Variants in CTNNA3 observed in about 807,000 individuals in gnomAD.
The protein encoded by CTNNA3 is catenin alpha-3.
CTNNA3 carries 76 observed loss-of-function variants against 95.7 expected under a neutral mutation model. The ratio of observed to expected loss-of-function variants is 0.79; its 90% CI spans 0.66 to 0.96. CTNNA3 has a LOEUF of 0.96. Ranked by LOEUF, CTNNA3 falls within the 40% of genes least tolerant of loss-of-function variation. The pLI is 0.00. For missense variants in CTNNA3, 1,191 were observed against 1,089.8 expected (o/e 1.09, Z -1.31); for synonymous variants, 431 against 374.4 (o/e 1.15, Z -1.74).
At chr10:66,319,191 G>A (rs1485027780) in intron 12 of CTNNA3, among the ~76,000 whole-genome samples, 8 of 151,560 alleles carry the variant, frequency 5.3e-5, no homozygotes, top group African/African-American at 1.9e-4. Flanking sequence ...AATCAAATGG[G>A]AAAAAAAATC....
At chr10:67,522,244 T>C (rs1481452177) in intron 4 of CTNNA3, among the ~76,000 whole-genome samples, 2 of 152,158 alleles carry the variant, frequency 1.3e-5, no homozygotes, top group Non-Finnish European at 2.9e-5. Flanking sequence ...AAAAAGAAAG[T>C]TCATCTTTTA....
chr10:66,670,495 T>A (rs1846622023), intron 9 of CTNNA3, among the ~76,000 whole-genome samples: 1 of 152,112 alleles, frequency 6.6e-6, no homozygotes, highest in Middle Eastern at 3.2e-3. Flanking sequence ...TTCCTCCATC[T>A]TAAAGGCAGC....
intron 13 of CTNNA3, among the ~76,000 whole-genome samples, chr10:66,217,068 T>A (rs1220101884): frequency 2.6e-5 from 4 of 152,040 alleles, no homozygotes; most frequent in Non-Finnish European, 4.4e-5. Context: ...ATAAATGGAG[T>A]CATACAGCCG....
chr10:66,616,980 A>G (rs1012444332), intron 10 of CTNNA3, among the ~76,000 whole-genome samples: 18 of 152,042 alleles, frequency 1.2e-4, no homozygotes, highest in African/African-American at 3.9e-4. Context: ...ATATAGAATG[A>G]TTTATCATTC....
At chr10:66,863,922 A>G (rs899926986) in intron 7 of CTNNA3, among the ~76,000 whole-genome samples, 5 of 152,170 alleles carry the variant, frequency 3.3e-5, no homozygotes, top group African/African-American at 1.2e-4. Flanking sequence ...AGTTTATCAC[A>G]GAATTCAGTC....
At chr10:66,633,813 C>G (rs543560389) in intron 9 of CTNNA3, among the ~76,000 whole-genome samples, 1 of 152,068 alleles carries the variant, frequency 6.6e-6, no homozygotes, top group East Asian at 1.9e-4. Context: ...AGAAGTATCC[C>G]CTTTTGACTA....
At chr10:66,380,600 CCTATCTATCTAT>C (rs3073254) in intron 11 of CTNNA3, among the ~76,000 whole-genome samples, 1 of 145,996 alleles carries the variant, frequency 6.8e-6, no homozygotes, top group Non-Finnish European at 1.5e-5. Flanking sequence ...AGAGTGAGGC[CCTATCTATCTAT>C]CTATCTATCT....
At chr10:66,812,635 TA>T (rs1189008089) in intron 7 of CTNNA3, among the ~76,000 whole-genome samples, 1 of 152,128 alleles carries the variant, frequency 6.6e-6, no homozygotes, top group Non-Finnish European at 1.5e-5. Flanking sequence ...CGTTAGTACA[TA>T]AAAAGTGCTT....
At position 66,890,874 on chromosome 10, in the gene CTNNA3, G is replaced by T. The variant is rs371125996; in HGVS notation, c.1048-115350C>A. Among the ~76,000 whole-genome samples, 42 of 152,270 alleles carry T rather than the reference G, an allele frequency of 2.8e-4. No individual in the cohort carries two copies. In the East Asian group the frequency reaches 7.7e-3, roughly 28 times the overall value. ...GACTGAAGTAAAGCCCTTTGAAGGA[G>T]TCAAGGTGTGAAATTCAGAGCACAG... On this transcript the variant is annotated intron_variant, in intron 7 of 17. Coordinates refer to ENST00000433211, the MANE Select transcript of CTNNA3 (RefSeq NM_013266.4).
chr10:66,755,803 C>T (rs1255330064), intron 9 of CTNNA3, among the ~76,000 whole-genome samples: 1 of 152,034 alleles, frequency 6.6e-6, no homozygotes, highest in Admixed American at 6.6e-5. Context: ...AACTTTTAAC[C>T]CCCAAATTCT....
rs1298890615 is a variant in CTNNA3, at chr10:66,402,521, T to A, written c.1532-23169A>T. 2.0e-5 allele frequency among the ~76,000 whole-genome samples: 3 copies of A among 152,192 alleles called. No homozygotes were observed. The South Asian group carries it at 6.2e-4, about 32-fold the overall frequency. The stretch of plus-strand genomic sequence containing the variant: ...GTAAATTATTTTCAGTTTACTCATA[T>A]GTCAATATATTAACAGTTAACAGAG... On this transcript the variant is annotated intron_variant, in intron 11 of 17. Coordinates refer to ENST00000433211, the MANE Select transcript of CTNNA3 (RefSeq NM_013266.4).
At chr10:67,726,774 TC>T (rs1841232634) in intron 1 of CTNNA3, among the ~76,000 whole-genome samples, 1 of 4,548 alleles carries the variant, frequency 2.2e-4, no homozygotes, top group Non-Finnish European at 4.8e-4. Flanking sequence ...GACACATATA[TC>T]ATATATAAAT....
chr10:67,662,274 A>G (rs1840210854), intron 1 of CTNNA3, among the ~76,000 whole-genome samples: 1 of 152,238 alleles, frequency 6.6e-6, no homozygotes, highest in African/African-American at 2.4e-5. Context: ...CAACAATAAC[A>G]TAATAAAATA....
At chr10:66,892,209 G>A (rs932342894) in intron 7 of CTNNA3, among the ~76,000 whole-genome samples, 6 of 151,944 alleles carry the variant, frequency 3.9e-5, no homozygotes, top group East Asian at 1.9e-4. Context: ...CTAAAATGGC[G>A]GCACAAACAA....
At chr10:67,602,826 C>T (rs1843129322) in intron 3 of CTNNA3, among the ~76,000 whole-genome samples, 1 of 152,152 alleles carries the variant, frequency 6.6e-6, no homozygotes, top group Non-Finnish European at 1.5e-5. Context: ...GGATAGGGCT[C>T]ATATCCCTTA....
intron 7 of CTNNA3, among the ~76,000 whole-genome samples, chr10:66,834,636 A>T (rs1377603025): frequency 6.6e-6 from 1 of 152,238 alleles, no homozygotes; most frequent in Non-Finnish European, 1.5e-5. Context: ...GAAATGAAAC[A>T]GTCAACAGCA....
At chr10:66,667,279 C>T (rs1047118541) in intron 9 of CTNNA3, among the ~76,000 whole-genome samples, 10 of 150,704 alleles carry the variant, frequency 6.6e-5, no homozygotes, top group Non-Finnish European at 1.3e-4. Context: ...TATCTATTCC[C>T]GCCTGTCCAG....
intron 1 of CTNNA3, among the ~76,000 whole-genome samples, chr10:67,736,657 G>A (rs186165720): frequency 2.0e-5 from 3 of 151,804 alleles, no homozygotes; most frequent in East Asian, 2.0e-4. Flanking sequence ...GGGTTTCACC[G>A]TGTTAGGCAG....
chr10:67,243,871 G>A (rs1865809046), intron 5 of CTNNA3, among the ~76,000 whole-genome samples: 1 of 152,108 alleles, frequency 6.6e-6, no homozygotes, highest in Non-Finnish European at 1.5e-5. Context: ...GTAACTATTT[G>A]TTGACACGTC....
Sources: gnomAD v4.1 joint callset for allele counts (sites outside exome capture counted in the v4.1 genomes callset) on GRCh38, gnomAD v4.1.1 for gene constraint, MANE v1.5 for transcripts, NCBI Gene and HGNC (gene_info 2026-07-23, HGNC 2026-07-21) for gene names.